Variants in KCNQ5 observed in about 807,000 individuals in gnomAD.
KCNQ5 encodes potassium voltage-gated channel subfamily KQT member 5.
KCNQ5 carries 30 observed loss-of-function variants against 98.2 expected under a neutral mutation model. That is an observed-to-expected ratio of 0.31 (90% CI 0.23 to 0.41). The LOEUF (loss-of-function observed/expected upper bound fraction) is 0.41, where lower values mean the gene tolerates loss of function less well. Among genes scored for constraint, KCNQ5 ranks in the 10% least tolerant of loss-of-function variants. The pLI is 1.00. For synonymous variants in KCNQ5, 458 were observed against 449.4 expected, an observed-to-expected ratio of 1.02 and a Z score of -0.24; for missense variants, 835 against 1,182.5, an observed-to-expected ratio of 0.71 and a Z score of 4.31.
chr6:72,757,133 A>T (rs2154476848), intron 1 of KCNQ5, among the ~76,000 whole-genome samples: 1 of 152,292 alleles, frequency 6.6e-6, no homozygotes, highest in Non-Finnish European at 1.5e-5. Context: ...TCTATGGATT[A>T]ATATAAAGAC....
rs531836035 is a variant in KCNQ5, at chr6:72,930,551, C to T, written c.399-73357C>T. On this transcript the variant is annotated intron_variant, in intron 1 of 13. Coordinates refer to ENST00000370398, the MANE Select transcript of KCNQ5 (RefSeq NM_019842.4). The stretch of plus-strand genomic sequence containing the variant: ...GTCATTAACATGATGAAGTTAATCA[C>T]CTGAGTTAAGACATATGGACATTTT... Among the ~76,000 whole-genome samples the T allele has an allele frequency of 4.0e-4, 58 of 143,676 alleles. 1 individual carries two copies. Among genetic ancestry groups the T allele is most frequent in the African/African-American group, 1.6e-4 (6 of 37,380 alleles). 94.3% of individuals were successfully genotyped at this position (143,676 alleles called of 152,430 possible).
intron 1 of KCNQ5, among the ~76,000 whole-genome samples, chr6:72,822,947 C>T (rs934291039): frequency 1.3e-5 from 2 of 152,128 alleles, no homozygotes; most frequent in Non-Finnish European, 1.5e-5. Context: ...CTTCCATTGT[C>T]TCCTCTGACT....
chr6:72,656,520 T>A (rs1766201460), intron 1 of KCNQ5, among the ~76,000 whole-genome samples: 1 of 152,218 alleles, frequency 6.6e-6, no homozygotes. Flanking sequence ...ACATTGTCTA[T>A]TCATCTATTA....
At chr6:72,675,149 A>C (rs1767344044) in intron 1 of KCNQ5, among the ~76,000 whole-genome samples, 1 of 152,258 alleles carries the variant, frequency 6.6e-6, no homozygotes, top group African/African-American at 2.4e-5. Flanking sequence ...CAAACAAAAA[A>C]ATTTTCTCTG....
At chr6:72,911,591 G>A (rs890557855) in intron 1 of KCNQ5, among the ~76,000 whole-genome samples, 5 of 152,086 alleles carry the variant, frequency 3.3e-5, no homozygotes, top group Admixed American at 2.0e-4. Context: ...ATAGTGCTTG[G>A]CAAATAGGAG....
At chr6:72,761,721 A>G (rs763877333) in intron 1 of KCNQ5, among the ~76,000 whole-genome samples, 1 of 152,070 alleles carries the variant, frequency 6.6e-6, no homozygotes, top group African/African-American at 2.4e-5. Flanking sequence ...TGCAGTAACT[A>G]CAATATGCAT....
chr6:72,711,373 T>C (rs962338337), intron 1 of KCNQ5, among the ~76,000 whole-genome samples: 1 of 152,124 alleles, frequency 6.6e-6, no homozygotes, highest in African/African-American at 2.4e-5. Context: ...TGCCATTTTG[T>C]TATGGCAGCA....
At chr6:73,125,847 A>AGAGTTAG (rs148895810) in intron 9 of KCNQ5, among the ~76,000 whole-genome samples, 145,681 of 152,108 alleles carry the variant, frequency 0.96, 69,760 homozygotes, top group South Asian at 0.99. Context: ...ACTACCAAAT[A>AGAGTTAG]AGCCAAGGGC....
chr6:73,168,915 A>G (rs1312352301), intron 10 of KCNQ5, among the ~76,000 whole-genome samples: 1 of 152,210 alleles, frequency 6.6e-6, no homozygotes, highest in Non-Finnish European at 1.5e-5. Context: ...TTTCCCAGTC[A>G]TTAGTCTTCA....
At chr6:72,916,615 C>T (rs545353269) in intron 1 of KCNQ5, among the ~76,000 whole-genome samples, 1 of 152,330 alleles carries the variant, frequency 6.6e-6, no homozygotes, top group African/African-American at 2.4e-5. Flanking sequence ...GTAAAACCTT[C>T]TCAAGTCTGA....
chr6:73,185,869 GTCT>G (rs1365278323), intron 11 of KCNQ5, among the ~76,000 whole-genome samples: 1 of 152,178 alleles, frequency 6.6e-6, no homozygotes, highest in Non-Finnish European at 1.5e-5. Flanking sequence ...GACATGCCTA[GTCT>G]TCTTTTAACG....
chr6:73,055,568 G>A lies in KCNQ5; in HGVS notation c.616+13506G>A. 6 of 1,405,100 alleles carry A rather than the reference G, an allele frequency of 4.3e-6. No homozygotes were observed. In the South Asian group the frequency reaches 5.8e-5, roughly 13 times the overall value. The allele number at this position is 1,405,100 out of a possible 1,614,324, so 87.0% of individuals were successfully genotyped here. On this transcript the variant is annotated intron_variant, in intron 3 of 13. Coordinates refer to ENST00000370398, the MANE Select transcript of KCNQ5 (RefSeq NM_019842.4). ...CTGTGAGAGTCTGAAGGACACTATTGCCAGAGCTCTGCCCTTCTGGAATGA... is the reference window on the plus strand; with the variant it reads ...CTGTGAGAGTCTGAAGGACACTATTACCAGAGCTCTGCCCTTCTGGAATGA...
At chr6:72,986,705 A>T (rs1768793413) in intron 1 of KCNQ5, 1 of 1,272,354 alleles carries the variant, frequency 7.9e-7, no homozygotes, top group Non-Finnish European at 1.1e-6. Context: ...GAAGAAAAAG[A>T]AGAAGTCACC....
At chr6:73,140,462 T>C (rs892554100) in intron 10 of KCNQ5, among the ~76,000 whole-genome samples, 1 of 152,212 alleles carries the variant, frequency 6.6e-6, no homozygotes, top group Admixed American at 6.5e-5. Context: ...ATAATGACTC[T>C]GCATTGTGTT....
intron 1 of KCNQ5, among the ~76,000 whole-genome samples, chr6:72,974,100 C>T (rs999704766): frequency 1.3e-5 from 2 of 152,074 alleles, no homozygotes; most frequent in African/African-American, 2.4e-5. Flanking sequence ...ACATTTTAGC[C>T]CTTTGTAATA....
chr6:72,827,928 G>C (rs1292363158), intron 1 of KCNQ5, among the ~76,000 whole-genome samples: 1 of 152,066 alleles, frequency 6.6e-6, no homozygotes, highest in Non-Finnish European at 1.5e-5. Flanking sequence ...TGGAAGTCTA[G>C]TTTTATTCTT....
chr6:72,672,276 T>G (rs1490558406), intron 1 of KCNQ5, among the ~76,000 whole-genome samples: 1 of 151,994 alleles, frequency 6.6e-6, no homozygotes, highest in Non-Finnish European at 1.5e-5. Flanking sequence ...TTTTGTAATT[T>G]TTGTAGAGAC....
At chr6:72,757,630 T>G (rs1772038480) in intron 1 of KCNQ5, among the ~76,000 whole-genome samples, 1 of 152,162 alleles carries the variant, frequency 6.6e-6, no homozygotes, top group South Asian at 2.1e-4. Flanking sequence ...GTATGGGTAC[T>G]TGAAGTATGG....
At chr6:73,051,863 A>T (rs1582262057) in intron 3 of KCNQ5, among the ~76,000 whole-genome samples, 1 of 152,208 alleles carries the variant, frequency 6.6e-6, no homozygotes, top group East Asian at 1.9e-4. Context: ...AAACAACTGC[A>T]GTAGTTCCCC....
Sources: gnomAD v4.1 joint callset for allele counts (sites outside exome capture counted in the v4.1 genomes callset) on GRCh38, gnomAD v4.1.1 for gene constraint, MANE v1.5 for transcripts, NCBI Gene and HGNC (gene_info 2026-07-23, HGNC 2026-07-21) for gene names.